The following PMPCA variants were observed in gnomAD, a reference collection of about 807,000 sequenced individuals.
The protein encoded by PMPCA is peptidase, mitochondrial processing subunit alpha.
A neutral mutation model predicts 59.3 loss-of-function variants in PMPCA; 47 were observed. The ratio of observed to expected loss-of-function variants is 0.79; its 90% confidence interval spans 0.63 to 1.01. The LOEUF (loss-of-function observed/expected upper bound fraction) is 1.01, where lower values mean the gene tolerates loss of function less well. PMPCA is among the 50% of genes least tolerant of loss of function. PMPCA has a pLI of 0.00. For synonymous variants in PMPCA, 338 were observed against 290.3 expected (o/e 1.16, Z -1.67); for missense variants, 726 against 704.5 (o/e 1.03, Z -0.34).
rs1234620336 is a variant in PMPCA, at chr9:136,423,118, AAG to A, written c.1437_1438del (p.Arg479SerfsTer4). 6.2e-7 allele frequency: 1 copy of A among 1,613,286 alleles called. No homozygotes were observed. The highest frequency in any genetic ancestry group is 1.1e-5 in the South Asian group (1 of 91,038). On this transcript the variant is annotated frameshift_variant, in exon 13 of 13. Coordinates refer to ENST00000371717, the MANE Select transcript of PMPCA (RefSeq NM_015160.3). LOFTEE classifies it high-confidence loss of function. ...AGGCAACGTGAAGCCGGAAGATGTG[AAG>A]AGAGTCGCTTCTAAGATGCTCCGAG... Reference protein sequence around the residue: ...LIRNVKPEDVKRVASKMLRGK... With the variant: ...LIRNVKPEDVXRVASKMLRGK...
Position 136,412,070 on chromosome 9 carries a change from C to G in PMPCA, c.145C>G (p.Pro49Ala). Reference protein sequence around the residue: ...YPNIPLSSPLPGVPKPVFATV... With the variant: ...YPNIPLSSPLAGVPKPVFATV... ...CAACATCCCCCTCTCTTCTCCCTTA[C>G]CTGGAGTACCCAAGCCTGTTTTTGC... Residue 49 changes from proline (P) to alanine (A), a missense_variant, in exon 2 of 13, where the codon CCT becomes GCT. Pro to Ala is a conservative substitution (Grantham distance 27). Coordinates refer to ENST00000371717, the MANE Select transcript of PMPCA (RefSeq NM_015160.3). 8 of 1,613,086 alleles carry G rather than the reference C, an allele frequency of 5.0e-6. No individual in the cohort carries two copies. The highest frequency in any genetic ancestry group is 6.8e-6 in the Non-Finnish European group (8 of 1,179,080).
At chr9:136,416,900 G>A (rs755231322) in intron 6 of PMPCA, 51 bp from the exon 7 acceptor site, 1 of 1,547,522 alleles carries the variant, frequency 6.5e-7, no homozygotes, top group African/African-American at 1.4e-5. Flanking sequence ...GTTGGAGGAA[G>A]CCTGGTCATG....
chr9:136,422,037 G>C, intron 12 of PMPCA, 61 bp downstream of exon 12: 1 of 1,559,684 alleles, frequency 6.4e-7, no homozygotes, highest in Non-Finnish European at 8.7e-7. Context: ...AGAGGAGGCC[G>C]TCTCGCCCTC....
chr9:136,417,606 G>A (rs1835318272), intron 7 of PMPCA, among the ~76,000 whole-genome samples: 1 of 151,968 alleles, frequency 6.6e-6, no homozygotes, highest in Admixed American at 6.6e-5. Context: ...CCGAGTAGCT[G>A]GGATTACCAC....
intron 12 of PMPCA, chr9:136,422,795 C>A: frequency 1.7e-6 from 2 of 1,188,586 alleles, no homozygotes; most frequent in Non-Finnish European, 2.1e-6. Flanking sequence ...GCAGGCCGTC[C>A]TAAAGTGAGT....
Position 136,414,550 on chromosome 9 carries a change from C to T in PMPCA, c.438-3C>T. On this transcript the variant is annotated splice_polypyrimidine_tract_variant and splice_region_variant and intron_variant, in intron 4 of 12. Transcript: ENST00000371717. ...GGCATTATGGGCTTGTGTTTTCTTC[C>T]AGAGACACCACCATGTATGCTGTGT... 1 of 1,602,120 alleles carries T rather than the reference C, an allele frequency of 6.2e-7. No homozygotes were observed. Among genetic ancestry groups the T allele is most frequent in the Non-Finnish European group, 8.6e-7 (1 of 1,169,182 alleles).
intron 4 of PMPCA, among the ~76,000 whole-genome samples, chr9:136,414,052 A>G (rs901038975): frequency 6.6e-6 from 1 of 152,214 alleles, no homozygotes; most frequent in African/African-American, 2.4e-5. Flanking sequence ...ACAGTGAGAC[A>G]AGCTCCATAC....
chr9:136,421,852 G>A lies in PMPCA; in HGVS notation c.1284G>A (p.Lys428=). 1 of 1,598,068 alleles carries A rather than the reference G, an allele frequency of 6.3e-7. No individual in the cohort carries two copies. Among genetic ancestry groups the A allele is most frequent in the Middle Eastern group, 2.3e-4 (1 of 4,396 alleles). The stretch of plus-strand genomic sequence containing the variant: ...CCCAGGTGGAGCTGGAACGAGCCAA[G>A]ACGCAGCTGACATCAATGCTCATGA... ...TVDTVELERA[K]TQLTSMLMMN... The change falls in exon 12 of 13, where the codon AAG becomes AAA. Residue 428 remains lysine (K), a synonymous_variant. Transcript: ENST00000371717.
intron 12 of PMPCA, chr9:136,422,700 C>T: frequency 9.5e-7 from 1 of 1,051,672 alleles, no homozygotes; most frequent in Non-Finnish European, 1.2e-6. Context: ...TCACTCCTGT[C>T]CTGGGGTTCC....
chr9:136,410,838 G>A lies in PMPCA; in HGVS notation c.71+99G>A, dbSNP rs572836859. On this transcript the variant is annotated intron_variant, in intron 1 of 12. Coordinates refer to ENST00000371717, the MANE Select transcript of PMPCA (RefSeq NM_015160.3). ...TTTCTACAGGTGACATGGCGCCCGTGGGACGGGCTCGCACTTCGGGACACT... is the reference window on the plus strand; with the variant it reads ...TTTCTACAGGTGACATGGCGCCCGTAGGACGGGCTCGCACTTCGGGACACT... The A allele has an allele frequency of 9.9e-4, 1,040 of 1,046,434 alleles. 7 individuals are homozygous for A. The African/African-American group carries it at 0.016, about 16-fold the overall frequency. The allele number at this position is 1,046,434 out of a possible 1,614,324, so 64.8% of individuals were successfully genotyped here.
intron 11 of PMPCA, 198 bp downstream of exon 11, chr9:136,419,304 C>T: frequency 1.5e-6 from 1 of 649,956 alleles, no homozygotes; most frequent in Non-Finnish European, 2.8e-6. Context: ...TGAGGCTGTT[C>T]TTCCCTGGTC....
At chr9:136,412,707 A>G in intron 3 of PMPCA, 103 bp from the exon 4 acceptor site, 1 of 828,994 alleles carries the variant, frequency 1.2e-6, no homozygotes, top group East Asian at 2.5e-5. Context: ...TTAAAAGATA[A>G]TTTTTGTATG....
intron 11 of PMPCA, 123 bp downstream of exon 11, chr9:136,419,229 C>G: frequency 1.1e-6 from 1 of 900,602 alleles, no homozygotes; most frequent in Non-Finnish European, 1.9e-6. Context: ...CCCGGCAGGG[C>G]AGGGCAGGGC....
chr9:136,418,600 G>A lies in PMPCA; in HGVS notation c.1036G>A (p.Gly346Arg), dbSNP rs1304524264. The A allele has an allele frequency of 3.1e-6, 5 of 1,613,708 alleles. No individual in the cohort carries two copies. In the South Asian group the frequency reaches 3.3e-5, roughly 11 times the overall value. ...TGCAGTGTTGAACATGATGATGGGC[G>A]GAGGTGGCTCCTTCTCGGCTGGTGG... ...PFAVLNMMMG[G>R]GGSFSAGGPG... is the part of the protein sequence containing the mutation. Residue 346 changes from glycine (G) to arginine (R), a missense_variant, in exon 9 of 13, where the codon GGA becomes AGA. Transcript: ENST00000371717.
intron 11 of PMPCA, chr9:136,419,397 T>C (rs1835382898): frequency 3.8e-6 from 2 of 531,680 alleles, no homozygotes; most frequent in Non-Finnish European, 6.8e-6. Flanking sequence ...ACTGGGTGAG[T>C]CGTGGGACTG....
In PMPCA at chr9:136,412,803, T is replaced by C; in HGVS notation, c.355-7T>C. 1 of 1,561,022 alleles carries C rather than the reference T, an allele frequency of 6.4e-7. No homozygotes were observed. The highest frequency in any genetic ancestry group is 8.8e-7 in the Non-Finnish European group (1 of 1,132,122). On this transcript the variant is annotated splice_region_variant and splice_polypyrimidine_tract_variant and intron_variant, in intron 3 of 12. Coordinates refer to ENST00000371717, the MANE Select transcript of PMPCA (RefSeq NM_015160.3). ...CTTATTTAGGTTTCCTTATTTATTT[T>C]TACTAGTCTACTGCTCGATTTGACA...
chr9:136,419,276 C>A, intron 11 of PMPCA, 170 bp downstream of exon 11: 1 of 713,292 alleles, frequency 1.4e-6, no homozygotes, highest in East Asian at 2.6e-5. Context: ...GGCTGAGCTG[C>A]TCCACCTGGG....
chr9:136,417,993 A>G (rs767119668), intron 7 of PMPCA, 24 bp from the exon 8 acceptor site: 4 of 1,557,898 alleles, frequency 2.6e-6, no homozygotes, highest in Non-Finnish European at 2.7e-6. Context: ...ACATGGCGAC[A>G]CTTGCTTGTT....
rs1418833269 is a variant in PMPCA at position 136,417,001 on chromosome 9, A to G, written c.684A>G (p.Glu228=). The G allele has an allele frequency of 6.2e-7, 1 of 1,612,918 alleles. No homozygotes were observed. Among genetic ancestry groups the G allele is most frequent in the Non-Finnish European group, 8.5e-7 (1 of 1,180,000 alleles). ...GCCTCCACCGTTTCTGCCCCACAGA[A>G]AACGTAGCAAAGATCAACCGAGAGG... ...TVGLHRFCPT[E]NVAKINREVL... The change falls in exon 7 of 13, where the codon GAA becomes GAG. Residue 228 remains glutamate, a synonymous_variant. Coordinates refer to ENST00000371717, the MANE Select transcript of PMPCA (RefSeq NM_015160.3).
Sources: gnomAD v4.1 joint callset for allele counts (sites outside exome capture counted in the v4.1 genomes callset) on GRCh38, gnomAD v4.1.1 for gene constraint, MANE v1.5 for transcripts, NCBI Gene and HGNC (gene_info 2026-07-23, HGNC 2026-07-21) for gene names.